H2AZ2: variants seen among roughly 807,000 people sequenced by gnomAD.
The protein encoded by H2AZ2 is histone H2A.V.
A neutral mutation model predicts 15.5 loss-of-function variants in H2AZ2; 5 were observed. The ratio of observed to expected loss-of-function variants is 0.32; its 90% CI spans 0.17 to 0.68. The LOEUF (loss-of-function observed/expected upper bound fraction) is 0.68, where lower values mean the gene tolerates loss of function less well. H2AZ2 is among the 30% of genes least tolerant of loss of function. The pLI is 0.72. For missense variants in H2AZ2, 42 were observed against 162.5 expected (o/e 0.26, Z 4.03); for synonymous variants, 44 against 57.4 (o/e 0.77, Z 1.05).
chr7:44,843,369 A>C lies in H2AZ2; in HGVS notation c.4-15T>G, dbSNP rs1190659802. 1.8e-5 allele frequency: 29 copies of C among 1,596,048 alleles called. No individual in the cohort carries two copies. The highest frequency in any genetic ancestry group is 2.4e-5 in the Non-Finnish European group (28 of 1,171,266). On this transcript the variant is annotated splice_polypyrimidine_tract_variant and intron_variant, in intron 1 of 4. Transcript: ENST00000308153. ...TTGCCTCCAGCCTAAATGCAAAAAA[A>C]AATTTTTTTGAATGAAAAGAGTTGA...
chr7:44,846,820 A>T (rs1420245349), intron 1 of H2AZ2, among the ~76,000 whole-genome samples: 1 of 152,142 alleles, frequency 6.6e-6, no homozygotes, highest in African/African-American at 2.4e-5. Context: ...TTATCCCTAA[A>T]GTCTATTCCA....
Position 44,848,008 on chromosome 7 carries a change from G to A in H2AZ2, c.-37C>T, listed in dbSNP as rs1413705091. The A allele has an allele frequency of 5.4e-6, 7 of 1,305,926 alleles. No homozygotes were observed. Among genetic ancestry groups the A allele is most frequent in the Middle Eastern group, 2.3e-4 (1 of 4,392 alleles). 80.9% of individuals were successfully genotyped at this position (1,305,926 alleles called of 1,614,324 possible). On this transcript the variant is annotated 5_prime_UTR_variant, in exon 1 of 5. Transcript: ENST00000308153. The stretch of plus-strand genomic sequence containing the variant: ...CGACTCCGCCTCCGCTCGGCCGCGC[G>A]CCCTCCCGCTGCCGACCCGCGCCGC...
intron 1 of H2AZ2, among the ~76,000 whole-genome samples, chr7:44,843,880 A>C (rs766606021): frequency 1.3e-5 from 2 of 152,158 alleles, no homozygotes; most frequent in Non-Finnish European, 2.9e-5. Flanking sequence ...ATTTTTAAAA[A>C]CAAACATATT....
In H2AZ2 at chr7:44,834,265, G is replaced by T; in HGVS notation, c.*236C>A. On this transcript the variant is annotated 3_prime_UTR_variant, in exon 5 of 5. Transcript: ENST00000308153. The stretch of plus-strand genomic sequence containing the variant: ...AAAATGGTTTATCAATTCCATTTTT[G>T]TATAAAACACACGGGAGAAACCTAG... 8.0e-7 allele frequency: 1 copy of T among 1,253,828 alleles called. No individual in the cohort carries two copies. The highest frequency in any genetic ancestry group is 1.0e-6 in the Non-Finnish European group (1 of 997,038). The allele number at this position is 1,253,828 out of a possible 1,614,324, so 77.7% of individuals were successfully genotyped here.
rs1277019157 is a variant in H2AZ2 at position 44,834,080 on chromosome 7, TCAATATA to T, written c.*414_*420del. 1 of 830,450 alleles carries T rather than the reference TCAATATA, an allele frequency of 1.2e-6. No homozygotes were observed. The highest frequency in any genetic ancestry group is 1.5e-6 in the Non-Finnish European group (1 of 687,680). The allele number at this position is 830,450 out of a possible 1,614,324, so 51.4% of individuals were successfully genotyped here. On this transcript the variant is annotated 3_prime_UTR_variant, in exon 5 of 5. Transcript: ENST00000308153. Reference sequence around the variant, plus strand: ...GCTACAGATCAATAGCATCTAAGAGTCAATATACCATGGTATCAATCATTGTAAAGAT... The same window carrying T: ...GCTACAGATCAATAGCATCTAAGAGTCCATGGTATCAATCATTGTAAAGAT...
chr7:44,844,931 G>GCA (rs1793361614), intron 1 of H2AZ2, among the ~76,000 whole-genome samples: 2 of 151,966 alleles, frequency 1.3e-5, no homozygotes, highest in Non-Finnish European at 2.9e-5. Context: ...AATACTAAAG[G>GCA]TCTGACTTAA....
chr7:44,847,528 C>T (rs1030176997), intron 1 of H2AZ2, among the ~76,000 whole-genome samples: 2 of 152,216 alleles, frequency 1.3e-5, no homozygotes, highest in Non-Finnish European at 2.9e-5. Flanking sequence ...CGCAGAAACC[C>T]TCAAACTGAC....
chr7:44,841,367 T>G (rs1202827928), intron 2 of H2AZ2, among the ~76,000 whole-genome samples: 1 of 152,216 alleles, frequency 6.6e-6, no homozygotes, highest in Non-Finnish European at 1.5e-5. Context: ...CCTCAGATCT[T>G]AAATGTTCTT....
Position 44,848,024 on chromosome 7 carries a change from C to T in H2AZ2, c.-53G>A. The T allele has an allele frequency of 3.4e-6, 4 of 1,184,882 alleles. No homozygotes were observed. Among genetic ancestry groups the T allele is most frequent in the Non-Finnish European group, 4.3e-6 (4 of 934,088 alleles). 73.4% of individuals were successfully genotyped at this position (1,184,882 alleles called of 1,614,324 possible). A position where few individuals can be genotyped will look rare whatever the true frequency, so the allele number is the denominator to read the frequency against. ...CGGCCGCGCGCCCTCCCGCTGCCGA[C>T]CCGCGCCGCCGCCGCCGCTCTCGCA... On this transcript the variant is annotated 5_prime_UTR_variant, in exon 1 of 5. Transcript: ENST00000308153.
rs574832879 is a variant in H2AZ2, at chr7:44,847,261, C to T, written c.3+708G>A. Reference sequence around the variant, plus strand: ...TAAAATGGGGCTGAAGTTCTATTCACTTTCATTTTTTTAAAGCCACACTCT... The same window carrying T: ...TAAAATGGGGCTGAAGTTCTATTCATTTTCATTTTTTTAAAGCCACACTCT... On this transcript the variant is annotated intron_variant, in intron 1 of 4. Transcript: ENST00000308153. 1.8e-4 allele frequency among the ~76,000 whole-genome samples: 27 copies of T among 152,276 alleles called. 2 individuals are homozygous for T. The East Asian group carries it at 5.2e-3, about 29-fold the overall frequency.
At chr7:44,830,301 C>A (rs1318653302), downstream of H2AZ2, 2 of 780,314 alleles carry the variant, frequency 2.6e-6, no homozygotes, top group African/African-American at 1.8e-5. Context: ...TATAAGAATT[C>A]ACTGGATAAC....
At chr7:44,830,276 G>T, downstream of H2AZ2, 2 of 1,001,438 alleles carry the variant, frequency 2.0e-6, no homozygotes, top group Non-Finnish European at 3.0e-6. Context: ...GTTAACTATA[G>T]ATATAGGTGG....
intron 2 of H2AZ2, 58 bp downstream of exon 2, chr7:44,843,219 G>T: frequency 1.2e-6 from 1 of 834,196 alleles, no homozygotes; most frequent in Non-Finnish European, 1.7e-6. Context: ...ATGAAACATA[G>T]GTCATAAATT....
intron 2 of H2AZ2, among the ~76,000 whole-genome samples, chr7:44,843,007 C>T (rs775459818): frequency 2.0e-4 from 31 of 151,558 alleles, no homozygotes; most frequent in African/African-American, 3.6e-4. Flanking sequence ...GGTATGGTGG[C>T]GCACGCCTGC....
At chr7:44,827,927 T>C (rs1792948139), downstream of H2AZ2, 2 of 152,228 alleles carry the variant, frequency 1.3e-5, no homozygotes, top group South Asian at 4.1e-4. Context: ...TTCAAAGGCC[T>C]ATAACATACA....
rs1793070942 is a variant in H2AZ2 at position 44,834,570 on chromosome 7, G to T, written c.326-8C>A. 2 of 1,589,852 alleles carry T rather than the reference G, an allele frequency of 1.3e-6. No individual in the cohort carries two copies. The highest frequency in any genetic ancestry group is 1.7e-6 in the Non-Finnish European group (2 of 1,163,920). On this transcript the variant is annotated splice_polypyrimidine_tract_variant and splice_region_variant and intron_variant, in intron 4 of 4. Coordinates refer to ENST00000308153, the MANE Select transcript of H2AZ2 (RefSeq NM_012412.5). ...GGATGTGAGGGATCACACCTAGAATGAAATTTAAAAAAGTTATTAAAAACT... is the reference window on the plus strand; with the variant it reads ...GGATGTGAGGGATCACACCTAGAATTAAATTTAAAAAAGTTATTAAAAACT...
chr7:44,847,934 G>T (rs780632469), intron 1 of H2AZ2, 35 bp downstream of exon 1: 1 of 1,514,620 alleles, frequency 6.6e-7, no homozygotes, highest in Non-Finnish European at 8.8e-7. Flanking sequence ...TGCTCTCCCA[G>T]GCCCCGTGCC....
intron 3 of H2AZ2, among the ~76,000 whole-genome samples, chr7:44,836,857 G>C (rs1035827910): frequency 6.6e-6 from 1 of 151,846 alleles, no homozygotes; most frequent in African/African-American, 2.4e-5. Context: ...TTAGCTGGGT[G>C]TGGTGGCAGG....
rs1333386566 is a variant in H2AZ2, at chr7:44,832,297, T to C, written c.*2204A>G. ...TTACACAATGGTATTGTGGTTATGT[T>C]CAAAAAAGTACCCTATCTTTGGAGT... On this transcript the variant is annotated 3_prime_UTR_variant, in exon 5 of 5. Transcript: ENST00000308153. Among the ~76,000 whole-genome samples, 2 of 152,126 alleles carry C rather than the reference T, an allele frequency of 1.3e-5. No individual in the cohort carries two copies. The highest frequency in any genetic ancestry group is 2.9e-5 in the Non-Finnish European group (2 of 68,022).
Sources: gnomAD v4.1 joint callset for allele counts (sites outside exome capture counted in the v4.1 genomes callset) on GRCh38, gnomAD v4.1.1 for gene constraint, MANE v1.5 for transcripts, NCBI Gene and HGNC (gene_info 2026-07-23, HGNC 2026-07-21) for gene names.